The following MCM8 variants were observed in gnomAD, a reference collection of about 807,000 sequenced individuals.
MCM8 encodes DNA helicase MCM8.
MCM8 carries 85 observed loss-of-function variants against 98.9 expected under a neutral mutation model. That is an observed-to-expected ratio of 0.86 (90% CI 0.72 to 1.03). The LOEUF is 1.03. MCM8 is among the 50% of genes least tolerant of loss of function. The pLI is 0.00. For missense variants in MCM8, 951 were observed against 997.8 expected (o/e 0.95, Z 0.63); for synonymous variants, 352 against 338.6 (o/e 1.04, Z -0.44).
At position 5,993,598 on chromosome 20, in the gene MCM8, G is replaced by C. The variant is rs2089896347; in HGVS notation, c.2333G>C (p.Arg778Thr). The C allele has an allele frequency of 1.9e-6, 3 of 1,612,548 alleles. No homozygotes were observed. Among genetic ancestry groups the C allele is most frequent in the Non-Finnish European group, 2.5e-6 (3 of 1,178,926 alleles). The change falls in exon 18 of 19, where the codon AGA becomes ACA. Residue 778 changes from arginine (R) to threonine (T), a missense_variant. Arg to Thr is a moderately conservative substitution (Grantham distance 71, BLOSUM62 -1). Coordinates refer to ENST00000610722, the MANE Select transcript of MCM8 (RefSeq NM_032485.6). ...SGMSNRSTAK[R>T]FISALNNVAE... The stretch of plus-strand genomic sequence containing the variant: ...ATGAGCAACAGGTCAACAGCGAAAA[G>C]ATTTATTTCTGCTCTCAACAACGTT...
At position 5,998,181 on chromosome 20, in the gene MCM8, G is replaced by A. The variant is rs1197125933; in HGVS notation, c.*3790G>A. The A allele has an allele frequency of 6.6e-6, 1 of 152,184 alleles. No individual in the cohort carries two copies. The highest frequency in any genetic ancestry group is 1.5e-5 in the Non-Finnish European group (1 of 68,038). The allele number at this position is 152,184 out of a possible 1,614,324, so 9.4% of individuals were successfully genotyped here. A position where few individuals can be genotyped will look rare whatever the true frequency, so the allele number is the denominator to read the frequency against. On this transcript the variant is annotated 3_prime_UTR_variant, in exon 19 of 19. Transcript: ENST00000610722. ...TGGATATTGACTAGCCAAAGAGGTGGATAAATGTAGATACAATGATACGGT... is the reference window on the plus strand; with the variant it reads ...TGGATATTGACTAGCCAAAGAGGTGAATAAATGTAGATACAATGATACGGT...
At position 5,977,886 on chromosome 20, in the gene MCM8, A is replaced by G. The variant is rs144318571; in HGVS notation, c.1406A>G (p.Asn469Ser). 7.4e-5 allele frequency: 119 copies of G among 1,614,070 alleles called. 1 individual carries two copies. In the South Asian group the frequency reaches 7.8e-4, roughly 11 times the overall value. The change falls in exon 13 of 19, where the codon AAT (asparagine) becomes AGT (serine). Residue 469 changes from asparagine (N) to serine (S), a missense_variant. Physicochemically the swap from Asn to Ser is conservative, Grantham distance 46. Transcript: ENST00000610722. ...GKSQMLQAACNVAPRGVYVCG... is the reference protein window; with the variant it reads ...GKSQMLQAACSVAPRGVYVCG... ...TTTTTGTTTCCTTAGGCAGCGTGCA[A>G]TGTTGCCCCACGTGGCGTGTATGTT...
At position 5,955,169 on chromosome 20, in the gene MCM8, C is replaced by CT; in HGVS notation, c.405dup (p.Asn136Ter). 1.9e-6 allele frequency: 3 copies of CT among 1,613,668 alleles called. No homozygotes were observed. Among genetic ancestry groups the CT allele is most frequent in the South Asian group, 1.1e-5 (1 of 91,026 alleles). On this transcript the variant is annotated frameshift_variant, in exon 5 of 19. Transcript: ENST00000610722. LOFTEE classifies it high-confidence loss of function. ...GAACTGACAGAAGGTGGTGAAGTAA[C>CT]TAACTTGATACCAGATATAGCAACT...
At chr20:5,974,983 G>A (rs1467805612) in intron 12 of MCM8, among the ~76,000 whole-genome samples, 1 of 152,204 alleles carries the variant, frequency 6.6e-6, no homozygotes, top group East Asian at 1.9e-4. Flanking sequence ...AGGAATCTGG[G>A]TGCAGTGGCT....
At chr20:5,980,698 C>T (rs1340021241) in intron 13 of MCM8, among the ~76,000 whole-genome samples, 4 of 151,950 alleles carry the variant, frequency 2.6e-5, no homozygotes, top group Non-Finnish European at 5.9e-5. Context: ...ATGGCAAAAC[C>T]CTGTCTCTAC....
chr20:5,954,670 C>A lies in MCM8; in HGVS notation c.316C>A (p.His106Asn). 6.2e-7 allele frequency: 1 copy of A among 1,603,278 alleles called. No homozygotes were observed. The highest frequency in any genetic ancestry group is 8.5e-7 in the Non-Finnish European group (1 of 1,170,670). ...AGCATTTGAAAAATTTTTCACAAGG[C>A]ATATTGATTTGTATGACAAGGTAAG... Reference protein sequence around the residue: ...IQAFEKFFTRHIDLYDKDEIE... With the variant: ...IQAFEKFFTRNIDLYDKDEIE... Residue 106 changes from histidine (H) to asparagine (N), a missense_variant, in exon 4 of 19, where the codon CAT becomes AAT. Transcript: ENST00000610722.
At chr20:5,963,532 T>G (rs1037892763) in intron 8 of MCM8, among the ~76,000 whole-genome samples, 173 bp downstream of exon 8, 1 of 146,656 alleles carries the variant, frequency 6.8e-6, no homozygotes, top group African/African-American at 2.6e-5. Context: ...ATTCTTTTTT[T>G]TTTTTTTTTT....
rs538015737 is a variant in MCM8 at position 5,974,438 on chromosome 20, C to G, written c.1395+1242C>G. Among the ~76,000 whole-genome samples, 4 of 152,322 alleles carry G rather than the reference C, an allele frequency of 2.6e-5. No individual in the cohort carries two copies. The South Asian group carries it at 8.3e-4, about 32-fold the overall frequency. ...CCACTGTGCTTGGCCACTGTGCTTT[C>G]TAAAAATGCCTGTGGCCCCCTTCTT... is the stretch of plus-strand genomic sequence containing the variant. On this transcript the variant is annotated intron_variant, in intron 12 of 18. Transcript: ENST00000610722.
chr20:5,958,153 G>GAGGTCAAGCGATCGAGACCA (rs2089036570), intron 6 of MCM8, among the ~76,000 whole-genome samples: 4 of 152,228 alleles, frequency 2.6e-5, no homozygotes, highest in Admixed American at 2.6e-4. Context: ...GGCGGATCAC[G>GAGGTCAAGCGATCGAGACCA]AGGTCAAGCG....
At chr20:5,979,661 TCTG>T (rs2089590930) in intron 13 of MCM8, among the ~76,000 whole-genome samples, 1 of 152,176 alleles carries the variant, frequency 6.6e-6, no homozygotes, top group African/African-American at 2.4e-5. Flanking sequence ...TCAAAATATA[TCTG>T]CTATCTAACC....
chr20:5,965,648 AT>A (rs1273355549), intron 8 of MCM8: 1 of 152,178 alleles, frequency 6.6e-6, no homozygotes, highest in Non-Finnish European at 1.5e-5. Context: ...CAAGCATCAA[AT>A]TATCTTTTCT....
In MCM8 at chr20:5,985,441, CAA is replaced by C. The variant is rs59820663; in HGVS notation, c.1953+457_1953+458del. The stretch of plus-strand genomic sequence containing the variant: ...CCTGAGTGACAGAGCGAGACTGTCT[CAA>C]AAAAAAAAAAAAAAAGGAATCTAAG... On this transcript the variant is annotated intron_variant, in intron 15 of 18. Transcript: ENST00000610722. 0.021 allele frequency among the ~76,000 whole-genome samples: 1,988 copies of C among 92,708 alleles called. 124 individuals carry two copies. In the East Asian group the frequency reaches 0.28, roughly 13 times the overall value. 60.8% of individuals were successfully genotyped at this position (92,708 alleles called of 152,430 possible). A position where few individuals can be genotyped will look rare whatever the true frequency, so the allele number is the denominator to read the frequency against.
At chr20:5,975,729 CTTGTGAT>C (rs1409223532) in intron 12 of MCM8, among the ~76,000 whole-genome samples, 4 of 151,556 alleles carry the variant, frequency 2.6e-5, no homozygotes, top group Admixed American at 1.3e-4. Flanking sequence ...ATCTCCTGAC[CTTGTGAT>C]CCGCCCGCCT....
chr20:5,952,573 T>C (rs2088862539), intron 3 of MCM8, 45 bp downstream of exon 3: 1 of 1,502,316 alleles, frequency 6.7e-7, no homozygotes, highest in Non-Finnish European at 9.2e-7. Flanking sequence ...TCATATTTTC[T>C]TAACTTGTCT....
In MCM8 at chr20:5,995,603, A is replaced by G. The variant is rs1253486495; in HGVS notation, c.*1212A>G. ...CAAAAAAGAAGTTGCATACAAAGAC[A>G]TCTGATTGAAAAAGGGTATGTTATA... is the stretch of plus-strand genomic sequence containing the variant. On this transcript the variant is annotated 3_prime_UTR_variant, in exon 19 of 19. Coordinates refer to ENST00000610722, the MANE Select transcript of MCM8 (RefSeq NM_032485.6). 2 of 152,250 alleles carry G rather than the reference A, an allele frequency of 1.3e-5. No individual in the cohort carries two copies. The highest frequency in any genetic ancestry group is 2.9e-5 in the Non-Finnish European group (2 of 68,044). 9.4% of individuals were successfully genotyped at this position (152,250 alleles called of 1,614,324 possible). A position where few individuals can be genotyped will look rare whatever the true frequency, so the allele number is the denominator to read the frequency against.
chr20:5,963,047 C>T (rs454422), intron 7 of MCM8, among the ~76,000 whole-genome samples: 1 of 151,924 alleles, frequency 6.6e-6, no homozygotes, highest in Non-Finnish European at 1.5e-5. Flanking sequence ...TAGCAGGATA[C>T]GAACAGTAAG....
At chr20:5,984,343 A>T (rs2089687885) in intron 14 of MCM8, among the ~76,000 whole-genome samples, 1 of 152,224 alleles carries the variant, frequency 6.6e-6, no homozygotes, top group African/African-American at 2.4e-5. Context: ...AAATCAACCT[A>T]CTAGTAGTTT....
chr20:5,959,860 G>C (rs904205895), intron 7 of MCM8, among the ~76,000 whole-genome samples: 2 of 151,954 alleles, frequency 1.3e-5, no homozygotes, highest in Non-Finnish European at 2.9e-5. Flanking sequence ...CACCATGCCT[G>C]GCTAATTTTT....
chr20:5,955,305 CACAT>C, intron 5 of MCM8, 54 bp downstream of exon 5: 1 of 1,477,132 alleles, frequency 6.8e-7, no homozygotes, highest in Non-Finnish European at 9.3e-7. Context: ...TGTTTGCACA[CACAT>C]GCACACCTTG....
Sources: gnomAD v4.1 joint callset for allele counts (sites outside exome capture counted in the v4.1 genomes callset) on GRCh38, gnomAD v4.1.1 for gene constraint, MANE v1.5 for transcripts, NCBI Gene and HGNC (gene_info 2026-07-23, HGNC 2026-07-21) for gene names.